DNAH5: variants seen among roughly 807,000 people sequenced by gnomAD.
DNAH5 encodes the protein dynein axonemal heavy chain 5.
Under a neutral mutation model 518.2 loss-of-function variants are expected in DNAH5, and 372 were observed. That is an observed-to-expected ratio of 0.72 (90% CI 0.66 to 0.78). The LOEUF is 0.78. Among genes scored for constraint, DNAH5 ranks in the 30% least tolerant of loss-of-function variants. The pLI, the probability that DNAH5 is intolerant of heterozygous loss-of-function variation, is 0.00. For synonymous variants in DNAH5, 2,039 were observed against 2,025.9 expected (o/e 1.01, Z -0.17); for missense variants, 5,523 against 5,687.0 (o/e 0.97, Z 0.93).
chr5:13,955,145 C>T (rs1239478174), intron 1 of DNAH5, among the ~76,000 whole-genome samples: 1 of 152,136 alleles, frequency 6.6e-6, no homozygotes, highest in Non-Finnish European at 1.5e-5. Context: ...CGTCCCCCAA[C>T]TGCTGTCTCG....
At chr5:13,764,531 C>T (rs1752237785) in intron 59 of DNAH5, among the ~76,000 whole-genome samples, 1 of 152,178 alleles carries the variant, frequency 6.6e-6, no homozygotes, top group Admixed American at 6.5e-5. Flanking sequence ...GACACCACTA[C>T]AAACTCATCA....
At chr5:13,804,292 C>T (rs1759231606) in intron 47 of DNAH5, among the ~76,000 whole-genome samples, 1 of 152,200 alleles carries the variant, frequency 6.6e-6, no homozygotes, top group Non-Finnish European at 1.5e-5. Flanking sequence ...GTCCCCTCTA[C>T]TGATGAAAGA....
chr5:13,742,589 G>A (rs984693790), intron 65 of DNAH5, among the ~76,000 whole-genome samples: 1 of 151,950 alleles, frequency 6.6e-6, no homozygotes, highest in South Asian at 2.1e-4. Context: ...ACATAGTAAC[G>A]ATGTATACAA....
chr5:13,882,142 T>G (rs1771758598), intron 21 of DNAH5, among the ~76,000 whole-genome samples: 1 of 151,952 alleles, frequency 6.6e-6, no homozygotes, highest in Non-Finnish European at 1.5e-5. Context: ...AGACCTATAG[T>G]AAGAAAGAAG....
chr5:13,854,949 G>T (rs1767407368), intron 30 of DNAH5, among the ~76,000 whole-genome samples: 1 of 152,034 alleles, frequency 6.6e-6, no homozygotes, highest in South Asian at 2.1e-4. Context: ...TTAAAGAAAT[G>T]TTTAATTACA....
intron 76 of DNAH5, among the ~76,000 whole-genome samples, chr5:13,703,727 C>T (rs1742427122): frequency 6.6e-6 from 1 of 152,056 alleles, no homozygotes; most frequent in African/African-American, 2.4e-5. Flanking sequence ...TATAACATTC[C>T]AAGATCCTTG....
chr5:13,803,301 T>G (rs1220271670), intron 47 of DNAH5, among the ~76,000 whole-genome samples: 1 of 152,180 alleles, frequency 6.6e-6, no homozygotes, highest in Non-Finnish European at 1.5e-5. Context: ...CAAACAAAAA[T>G]AGTCTTACAT....
At chr5:13,710,724 G>A (rs1178479310) in intron 75 of DNAH5, among the ~76,000 whole-genome samples, 3 of 151,984 alleles carry the variant, frequency 2.0e-5, no homozygotes, top group Admixed American at 2.0e-4. Flanking sequence ...GTCATTCAAG[G>A]CTATTATGAA....
At chr5:14,005,478 A>C (rs1240223075) in intron 1 of DNAH5, among the ~76,000 whole-genome samples, 1 of 152,136 alleles carries the variant, frequency 6.6e-6, no homozygotes, top group Non-Finnish European at 1.5e-5. Flanking sequence ...AGCCAACAAC[A>C]CACTTAACTG....
At chr5:13,851,110 T>G (rs1366256164) in intron 30 of DNAH5, among the ~76,000 whole-genome samples, 1 of 152,206 alleles carries the variant, frequency 6.6e-6, no homozygotes, top group Non-Finnish European at 1.5e-5. Context: ...GAAAAGAAAG[T>G]ACACACATTT....
At chr5:13,737,868 C>T (rs1747781229) in intron 65 of DNAH5, among the ~76,000 whole-genome samples, 1 of 151,980 alleles carries the variant, frequency 6.6e-6, no homozygotes, top group South Asian at 2.1e-4. Flanking sequence ...TTGAGACCAG[C>T]CTGGCCAACA....
intron 60 of DNAH5, among the ~76,000 whole-genome samples, chr5:13,761,307 T>C (rs932156880): frequency 2.0e-5 from 3 of 152,132 alleles, no homozygotes; most frequent in African/African-American, 7.2e-5. Flanking sequence ...TTTAAGACAC[T>C]ATGTGGCCGG....
Position 13,776,592 on chromosome 5 carries a change from A to T in DNAH5, c.9220T>A (p.Phe3074Ile). 1 of 1,613,948 alleles carries T rather than the reference A, an allele frequency of 6.2e-7. No homozygotes were observed. The highest frequency in any genetic ancestry group is 8.5e-7 in the Non-Finnish European group (1 of 1,179,860). The change falls in exon 55 of 79, where the codon TTC (phenylalanine) becomes ATC (isoleucine). Residue 3074 changes from phenylalanine to isoleucine, a missense_variant. By Grantham distance (21) the Phe-to-Ile change is conservative. Transcript: ENST00000265104. Reference protein sequence around the residue: ...LPTNENLHDYFMSRVRQNLHI... With the variant: ...LPTNENLHDYIMSRVRQNLHI... The stretch of plus-strand genomic sequence containing the variant: ...AGGTTCTGTCGGACCCGACTCATGA[A>T]GTAGTCGTGCAGGTTCTCATTGGTA...
chr5:13,878,315 T>G (rs1771173516), intron 21 of DNAH5, among the ~76,000 whole-genome samples: 1 of 152,062 alleles, frequency 6.6e-6, no homozygotes, highest in African/African-American at 2.4e-5. Context: ...AGAAAGGAAG[T>G]TTCAATGGAC....
Position 13,830,692 on chromosome 5 carries a change from G to C in DNAH5, c.5966C>G (p.Thr1989Ser), listed in dbSNP as rs1763551944. The C allele has an allele frequency of 6.2e-7, 1 of 1,614,002 alleles. No individual in the cohort carries two copies. The highest frequency in any genetic ancestry group is 1.1e-5 in the South Asian group (1 of 91,084). ...AGPAGTGKTE[T>S]TKDMGRCLGK... ...GAGGCATCGTCCCATGTCTTTAGTGGTTTCTGTTTTGCCTGTGCCTGCAGG... is the reference window on the plus strand; with the variant it reads ...GAGGCATCGTCCCATGTCTTTAGTGCTTTCTGTTTTGCCTGTGCCTGCAGG... Residue 1989 changes from threonine to serine, a missense_variant, in exon 36 of 79, where the codon ACC (threonine) becomes AGC (serine). Transcript: ENST00000265104.
At chr5:13,947,528 T>A (rs892473756), upstream of DNAH5, among the ~76,000 whole-genome samples, 2 of 152,222 alleles carry the variant, frequency 1.3e-5, no homozygotes, top group Non-Finnish European at 2.9e-5. Flanking sequence ...TATAACCACA[T>A]TTTTTATCTG....
intron 1 of DNAH5, among the ~76,000 whole-genome samples, chr5:13,970,413 T>G (rs189582228): frequency 4.4e-4 from 66 of 151,290 alleles, no homozygotes; most frequent in Non-Finnish European, 5.1e-4. Context: ...TTTCTGGAGG[T>G]TCTATTTTGG....
intron 71 of DNAH5, among the ~76,000 whole-genome samples, chr5:13,720,001 T>C (rs1744829162): frequency 6.6e-6 from 1 of 152,112 alleles, no homozygotes; most frequent in Non-Finnish European, 1.5e-5. Flanking sequence ...AAAATATTTT[T>C]GCTAAAATCA....
Position 13,793,864 on chromosome 5 carries a change from T to G in DNAH5, c.8010+72A>C, listed in dbSNP as rs147234148. ...TGAAAAAGTAAAAACTTAAAAAAAA[T>G]TTTTAAAAACTCTTCTAAGAATAAA... is the stretch of plus-strand genomic sequence containing the variant. On this transcript the variant is annotated intron_variant, in intron 48 of 78. Coordinates refer to ENST00000265104, the MANE Select transcript of DNAH5 (RefSeq NM_001369.3). 3.1e-4 allele frequency: 477 copies of G among 1,562,906 alleles called. 4 individuals carry two copies. The African/African-American group carries it at 6.3e-3, about 21-fold the overall frequency.
Sources: gnomAD v4.1 joint callset for allele counts (sites outside exome capture counted in the v4.1 genomes callset) on GRCh38, gnomAD v4.1.1 for gene constraint, MANE v1.5 for transcripts, NCBI Gene and HGNC (gene_info 2026-07-23, HGNC 2026-07-21) for gene names.